Variants in SLC24A2 observed in about 807,000 individuals in gnomAD.
SLC24A2 encodes sodium/potassium/calcium exchanger 2.
SLC24A2 carries 36 observed loss-of-function variants against 62.0 expected under a neutral mutation model. That is an observed-to-expected ratio of 0.58 (90% CI 0.44 to 0.77). The LOEUF (loss-of-function observed/expected upper bound fraction) is 0.77. SLC24A2 is among the 30% of genes least tolerant of loss of function. The pLI is 0.00. For missense variants in SLC24A2, 846 were observed against 817.9 expected (o/e 1.03, Z -0.42); for synonymous variants, 358 against 294.0 (o/e 1.22, Z -2.23).
At chr9:19,774,194 G>T (rs1822774345) in intron 2 of SLC24A2, among the ~76,000 whole-genome samples, 1 of 152,174 alleles carries the variant, frequency 6.6e-6, no homozygotes. Flanking sequence ...TCTTTGGTGG[G>T]TTGGGGAGGA....
the SLC24A2 span, among the ~76,000 whole-genome samples, chr9:20,169,951 G>C: frequency 6.6e-6 from 1 of 151,820 alleles, no homozygotes; most frequent in Admixed American, 6.6e-5. Flanking sequence ...GAAGTGAAGG[G>C]ATAAATATTC....
chr9:19,719,756 T>C (rs1034848576), intron 2 of SLC24A2, among the ~76,000 whole-genome samples: 12 of 152,368 alleles, frequency 7.9e-5, no homozygotes, highest in African/African-American at 2.9e-4. Context: ...ACTACCTAGA[T>C]GTCTGAGAAG....
chr9:19,694,865 A>G (rs935006202), intron 2 of SLC24A2, among the ~76,000 whole-genome samples: 2 of 152,200 alleles, frequency 1.3e-5, no homozygotes, highest in Admixed American at 1.3e-4. Flanking sequence ...CATGGCATAC[A>G]GAGTGAAAAT....
chr9:19,773,483 T>C (rs574027831), intron 2 of SLC24A2, among the ~76,000 whole-genome samples: 26 of 152,352 alleles, frequency 1.7e-4, no homozygotes, highest in Admixed American at 4.6e-4. Flanking sequence ...CAGGAGGGTT[T>C]CTAATGATTC....
chr9:19,923,563 G>T, the SLC24A2 span, among the ~76,000 whole-genome samples: 8 of 152,038 alleles, frequency 5.3e-5, no homozygotes, highest in Admixed American at 5.2e-4. Flanking sequence ...CCACATTGCC[G>T]CAGTTCTGCT....
At chr9:20,289,576 A>C in the SLC24A2 span, among the ~76,000 whole-genome samples, 1 of 152,134 alleles carries the variant, frequency 6.6e-6, no homozygotes. Flanking sequence ...CACTTTGTGG[A>C]ATTTTTATTC....
chr9:19,570,404 C>T (rs1835803942), intron 7 of SLC24A2, among the ~76,000 whole-genome samples: 1 of 152,190 alleles, frequency 6.6e-6, no homozygotes, highest in South Asian at 2.1e-4. Flanking sequence ...TTTTACATCT[C>T]CTCTATTTAG....
intron 8 of SLC24A2, among the ~76,000 whole-genome samples, chr9:19,542,836 G>A (rs183091673): frequency 3.6e-4 from 55 of 152,248 alleles, no homozygotes; most frequent in African/African-American, 1.1e-3. Context: ...GATTTGGTTT[G>A]CCAGTATTTT....
At chr9:19,614,621 G>A (rs1436325352) in intron 4 of SLC24A2, among the ~76,000 whole-genome samples, 1 of 152,126 alleles carries the variant, frequency 6.6e-6, no homozygotes, top group East Asian at 1.9e-4. Flanking sequence ...CTGATTGAAT[G>A]CAGTACAACT....
the SLC24A2 span, among the ~76,000 whole-genome samples, chr9:20,238,952 G>T: frequency 6.6e-6 from 1 of 152,138 alleles, no homozygotes; most frequent in East Asian, 1.9e-4. Context: ...TCAGAGAAAA[G>T]GCCACGGGAG....
the SLC24A2 span, among the ~76,000 whole-genome samples, chr9:19,868,571 G>A: frequency 6.6e-6 from 1 of 152,248 alleles, no homozygotes; most frequent in South Asian, 2.1e-4. Context: ...TCCATTTTTT[G>A]AGAATGGGAT....
At chr9:19,847,146 C>T in the SLC24A2 span, among the ~76,000 whole-genome samples, 9 of 152,216 alleles carry the variant, frequency 5.9e-5, no homozygotes, top group African/African-American at 2.2e-4. Context: ...ATGTCTAATG[C>T]TATATAAATG....
At chr9:19,802,174 A>ATT in the SLC24A2 span, among the ~76,000 whole-genome samples, 1 of 152,222 alleles carries the variant, frequency 6.6e-6, no homozygotes, top group African/African-American at 2.4e-5. Context: ...AAATATTTGT[A>ATT]GCTCTATGAC....
intron 7 of SLC24A2, among the ~76,000 whole-genome samples, chr9:19,568,861 G>A (rs1007954713): frequency 1.4e-4 from 21 of 152,188 alleles, no homozygotes; most frequent in African/African-American, 3.4e-4. Context: ...GTTTCCTACC[G>A]CCCCAGCCCC....
chr9:19,642,071 A>G (rs1818511385), intron 2 of SLC24A2, among the ~76,000 whole-genome samples: 2 of 152,194 alleles, frequency 1.3e-5, no homozygotes, highest in South Asian at 2.1e-4. Context: ...GTGTGTGAGT[A>G]GGAGTGTTAA....
At chr9:20,206,072 G>C in the SLC24A2 span, among the ~76,000 whole-genome samples, 4 of 152,044 alleles carry the variant, frequency 2.6e-5, no homozygotes, top group African/African-American at 9.7e-5. Flanking sequence ...TCCATTCAGA[G>C]TATAAGATAG....
chr9:20,144,310 C>T, the SLC24A2 span, among the ~76,000 whole-genome samples: 1 of 152,126 alleles, frequency 6.6e-6, no homozygotes, highest in Non-Finnish European at 1.5e-5. Context: ...ACACCTAAAA[C>T]AGAAACCTTA....
Position 19,507,705 on chromosome 9 carries a change from T to C in SLC24A2, c.*8448A>G, listed in dbSNP as rs1021509654. ...TCACAGAGAATAAACTGACATAGTA[T>C]CACCATGTATCTCATCATCCAGTGA... On this transcript the variant is annotated 3_prime_UTR_variant, in exon 11 of 11. Transcript: ENST00000341998. The C allele has an allele frequency of 6.6e-6, 1 of 152,232 alleles. No homozygotes were observed. Among genetic ancestry groups the C allele is most frequent in the Non-Finnish European group, 1.5e-5 (1 of 68,038 alleles). 9.4% of individuals were successfully genotyped at this position (152,232 alleles called of 1,614,324 possible).
At chr9:19,949,189 T>C in the SLC24A2 span, among the ~76,000 whole-genome samples, 1 of 152,032 alleles carries the variant, frequency 6.6e-6, no homozygotes, top group Non-Finnish European at 1.5e-5. Context: ...AGACGCGGTT[T>C]CACCATGTTG....
Sources: gnomAD v4.1 joint callset for allele counts (sites outside exome capture counted in the v4.1 genomes callset) on GRCh38, gnomAD v4.1.1 for gene constraint, MANE v1.5 for transcripts, NCBI Gene and HGNC (gene_info 2026-07-23, HGNC 2026-07-21) for gene names.